The following SFI1 variants were observed in gnomAD, a reference collection of about 807,000 sequenced individuals.
SFI1 encodes SFI1 centrin binding protein, also known as protein SFI1 homolog.
In SFI1, 195 loss-of-function variants were observed where a neutral mutation model predicts 207.5. That is an observed-to-expected ratio of 0.94 (90% confidence interval 0.84 to 1.06). The LOEUF is 1.06. Among genes scored for constraint, SFI1 ranks in the 50% least tolerant of loss-of-function variants. The pLI, the probability that SFI1 is intolerant of heterozygous loss-of-function variation, is 0.00. For synonymous variants in SFI1, 630 were observed against 598.9 expected, an observed-to-expected ratio of 1.05 and a Z score of -0.76; for missense variants, 1,634 against 1,588.0, an observed-to-expected ratio of 1.03 and a Z score of -0.49.
intron 7 of SFI1, among the ~76,000 whole-genome samples, chr22:31,557,418 G>A (rs987740763): frequency 4.6e-5 from 7 of 151,732 alleles, no homozygotes; most frequent in Admixed American, 1.3e-4. Flanking sequence ...TGAGTTCGTG[G>A]GCTCAAGCGA....
intron 15 of SFI1, among the ~76,000 whole-genome samples, chr22:31,599,126 A>C (rs2067692642): frequency 6.7e-6 from 1 of 149,174 alleles, no homozygotes; most frequent in East Asian, 2.3e-4. Context: ...TAGTGATTTT[A>C]GGGTCCTCCC....
chr22:31,599,398 C>T (rs1328693864), intron 15 of SFI1, among the ~76,000 whole-genome samples: 1 of 151,972 alleles, frequency 6.6e-6, no homozygotes, highest in Non-Finnish European at 1.5e-5. Context: ...ACAATCTCGG[C>T]TCACTGCAAT....
chr22:31,589,575 C>T lies in SFI1; in HGVS notation c.1542C>T (p.His514=). The change falls in exon 15 of 33, where the codon CAC becomes CAT. Residue 514 remains histidine, a splice_region_variant and synonymous_variant. Transcript: ENST00000400288. ...NVLSARATRF[H]RETLEKQVFS... ...TCAGTGCAAGAGCAACACGTTTCCA[C>T]AGGTATGTTGCGCAGCTCCTGTCTG... 1 of 1,612,090 alleles carries T rather than the reference C, an allele frequency of 6.2e-7. No individual in the cohort carries two copies. Among genetic ancestry groups the T allele is most frequent in the Non-Finnish European group, 8.5e-7 (1 of 1,179,464 alleles).
At chr22:31,580,635 C>T (rs544396308) in intron 12 of SFI1, among the ~76,000 whole-genome samples, 32 of 151,296 alleles carry the variant, frequency 2.1e-4, no homozygotes, top group Middle Eastern at 3.4e-3. Flanking sequence ...CTCCGCCTCC[C>T]GGGTTCAAGC....
chr22:31,559,920 G>A (rs1047266446), intron 7 of SFI1: 75 of 598,964 alleles, frequency 1.3e-4, no homozygotes, highest in Non-Finnish European at 2.1e-4. Context: ...TGTACCATGG[G>A]CGGGTCCAAG....
chr22:31,537,309 T>TTCTGCC (rs2059090982), intron 4 of SFI1, among the ~76,000 whole-genome samples: 1 of 152,210 alleles, frequency 6.6e-6, no homozygotes, highest in Non-Finnish European at 1.5e-5. Context: ...TGCATTCTGC[T>TTCTGCC]TCTGCCTCAT....
chr22:31,583,845 C>G (rs2064668892), intron 12 of SFI1, 30 bp from the exon 13 acceptor site: 2 of 1,584,024 alleles, frequency 1.3e-6, no homozygotes, highest in Admixed American at 3.3e-5. Flanking sequence ...CATCTCAGTA[C>G]ATTTCCATCT....
At chr22:31,591,126 G>T (rs2065839483) in intron 15 of SFI1, among the ~76,000 whole-genome samples, 2 of 152,126 alleles carry the variant, frequency 1.3e-5, no homozygotes, top group South Asian at 4.1e-4. Context: ...CTTCCGCAGT[G>T]TTTGTGTCCC....
At position 31,533,285 on chromosome 22, in the gene SFI1, T is replaced by C. The variant is rs559273564; in HGVS notation, c.338+2156T>C. On this transcript the variant is annotated intron_variant, in intron 4 of 32. Transcript: ENST00000400288. ...GCTCCTGCCTGTAATCCTAGCACTT[T>C]GGGAGGCCAAGACAGGCGGATTACT... Among the ~76,000 whole-genome samples the C allele has an allele frequency of 3.3e-5, 5 of 152,240 alleles. No homozygotes were observed. The South Asian group carries it at 1.0e-3, about 32-fold the overall frequency.
chr22:31,503,800 G>A (rs2054206822), intron 1 of SFI1, among the ~76,000 whole-genome samples: 1 of 150,916 alleles, frequency 6.6e-6, no homozygotes, highest in South Asian at 2.1e-4. Flanking sequence ...CGTTAGTCAG[G>A]CTGGTGGCGA....
At chr22:31,603,628 G>A (rs1305128499) in intron 17 of SFI1, 116 bp from the exon 18 acceptor site, 3 of 799,722 alleles carry the variant, frequency 3.8e-6, no homozygotes, top group Admixed American at 4.2e-5. Flanking sequence ...TTCAGAGAGG[G>A]TCTTGGCTCC....
At chr22:31,608,130 A>G (rs1388274786) in intron 22 of SFI1, 97 bp downstream of exon 22, 2 of 896,558 alleles carry the variant, frequency 2.2e-6, no homozygotes, top group African/African-American at 1.6e-5. Flanking sequence ...TCCTCCTCAT[A>G]CATGCCAGTT....
intron 22 of SFI1, among the ~76,000 whole-genome samples, chr22:31,608,742 C>T (rs141887482): frequency 2.4e-3 from 364 of 152,146 alleles, no homozygotes; most frequent in Non-Finnish European, 4.0e-3. Flanking sequence ...CAGCCCCCAC[C>T]GTGTTAGCGT....
Position 31,568,204 on chromosome 22 carries a change from GTGTGTGTA to G in SFI1, c.766-4852_766-4845del, listed in dbSNP as rs1569333919. Among the ~76,000 whole-genome samples the G allele has an allele frequency of 1.9e-3, 262 of 139,032 alleles. 7 individuals carry two copies. In the South Asian group the frequency reaches 0.02, roughly 10 times the overall value. The allele number at this position is 139,032 out of a possible 152,430, so 91.2% of individuals were successfully genotyped here. On this transcript the variant is annotated intron_variant, in intron 8 of 32. Transcript: ENST00000400288. Reference sequence around the variant, plus strand: ...GTGTGTGTGTGTGTGTTGTGTGTGTGTGTGTGTATATATATATATATATTTTTTTTTTT... The same window carrying G: ...GTGTGTGTGTGTGTGTTGTGTGTGTGTATATATATATATATTTTTTTTTTT...
chr22:31,578,129 C>T (rs2063717381), intron 10 of SFI1: 1 of 309,600 alleles, frequency 3.2e-6, no homozygotes, highest in East Asian at 5.2e-5. Flanking sequence ...CAGTTTATCT[C>T]AGGTATTTTT....
At position 31,508,395 on chromosome 22, in the gene SFI1, GA is replaced by G. The variant is rs768731069; in HGVS notation, c.92+26del. 1.2e-5 allele frequency: 19 copies of G among 1,520,490 alleles called. No homozygotes were observed. The highest frequency in any genetic ancestry group is 3.5e-5 in the Admixed American group (2 of 57,396). 94.2% of individuals were successfully genotyped at this position (1,520,490 alleles called of 1,614,324 possible). ...ATTCCAGGTGAGTGATGGGACTTGA[GA>G]AAAAAATATAACTGGAATGATGGTT... On this transcript the variant is annotated intron_variant, in intron 2 of 32. Coordinates refer to ENST00000400288, the MANE Select transcript of SFI1 (RefSeq NM_001007467.3).
chr22:31,577,495 A>T (rs1351278487), intron 10 of SFI1, among the ~76,000 whole-genome samples: 1 of 151,872 alleles, frequency 6.6e-6, no homozygotes, highest in Non-Finnish European at 1.5e-5. Context: ...ACAGTCTTGA[A>T]CTCCTGGGCT....
At chr22:31,541,387 C>A (rs946902725) in intron 4 of SFI1, among the ~76,000 whole-genome samples, 1 of 151,950 alleles carries the variant, frequency 6.6e-6, no homozygotes, top group Non-Finnish European at 1.5e-5. Flanking sequence ...TTATTTAATG[C>A]GGCGTGGGGA....
chr22:31,546,914 A>T lies in SFI1; in HGVS notation c.392A>T (p.Glu131Val). Residue 131 changes from glutamate (E) to valine (V), a missense_variant, in exon 5 of 33, where the codon GAG (glutamate) becomes GTG (valine). Coordinates refer to ENST00000400288, the MANE Select transcript of SFI1 (RefSeq NM_001007467.3). Reference protein sequence around the residue: ...LRKVFEEWKEEWWVFQHEWKL... With the variant: ...LRKVFEEWKEVWWVFQHEWKL... ...AAGGTCTTCGAAGAATGGAAAGAGGAGTGGTGGGTTTTCCAGCACGAGTGG... is the reference window on the plus strand; with the variant it reads ...AAGGTCTTCGAAGAATGGAAAGAGGTGTGGTGGGTTTTCCAGCACGAGTGG... 6.2e-7 allele frequency: 1 copy of T among 1,612,294 alleles called. No individual in the cohort carries two copies.
Sources: allele counts gnomAD v4.1 joint callset (sites outside exome capture counted in the v4.1 genomes callset), GRCh38; gene constraint gnomAD v4.1.1; transcripts MANE v1.5; gene names NCBI Gene and HGNC (gene_info 2026-07-23, HGNC 2026-07-21).